ANK2: variants seen among roughly 807,000 people sequenced by gnomAD.
ANK2 encodes the protein ankyrin 2.
In ANK2, 83 loss-of-function variants were observed where a neutral mutation model predicts 360.5. That is an observed-to-expected ratio of 0.23 (90% confidence interval 0.19 to 0.28). ANK2 has a LOEUF of 0.28. ANK2 is among the 10% of genes least tolerant of loss of function. The probability of loss-of-function intolerance (pLI) is 1.00; values close to 1 mark genes in which losing one functional copy is unlikely to be tolerated. For synonymous variants in ANK2, 1,740 were observed against 1,759.5 expected, an observed-to-expected ratio of 0.99 and a Z score of 0.28; for missense variants, 4,201 against 4,795.7, an observed-to-expected ratio of 0.88 and a Z score of 3.66.
At chr4:113,283,004 C>A (rs929302799) in intron 18 of ANK2, 132 bp downstream of exon 18, 3 of 1,013,530 alleles carry the variant, frequency 3.0e-6, no homozygotes, top group Non-Finnish European at 4.5e-6. Context: ...ACCCCAAGGA[C>A]AGGAAGGGAG....
intron 24 of ANK2, 194 bp from the exon 25 acceptor site, chr4:113,317,513 T>C: frequency 3.1e-6 from 2 of 636,102 alleles, no homozygotes. Context: ...CATTGAGCGG[T>C]AGGAACCTGT....
intron 43 of ANK2, among the ~76,000 whole-genome samples, chr4:113,370,288 A>T (rs889952614): frequency 6.7e-6 from 1 of 149,366 alleles, no homozygotes; most frequent in Non-Finnish European, 1.5e-5. Context: ...TAGAGGCAAG[A>T]TGATTTCCAA....
rs2097187115 is a variant in ANK2 at position 113,382,400 on chromosome 4, T to G, written c.*929T>G. ...GGGTATTCAGTTGCTGGCAGCTACATTGTGTGGCATTCTAGCATCTTCAGG... is the reference window on the plus strand; with the variant it reads ...GGGTATTCAGTTGCTGGCAGCTACAGTGTGTGGCATTCTAGCATCTTCAGG... On this transcript the variant is annotated 3_prime_UTR_variant, in exon 46 of 46. Coordinates refer to ENST00000357077, the MANE Select transcript of ANK2 (RefSeq NM_001148.6). 1 of 152,764 alleles carries G rather than the reference T, an allele frequency of 6.5e-6. No individual in the cohort carries two copies. Among genetic ancestry groups the G allele is most frequent in the Admixed American group, 6.5e-5 (1 of 15,314 alleles). The allele number at this position is 152,764 out of a possible 1,614,324, so 9.5% of individuals were successfully genotyped here. A position where few individuals can be genotyped will look rare whatever the true frequency, so the allele number is the denominator to read the frequency against.
chr4:113,073,294 C>T (rs970202587), intron 1 of ANK2, among the ~76,000 whole-genome samples: 1 of 152,086 alleles, frequency 6.6e-6, no homozygotes, highest in African/African-American at 2.4e-5. Flanking sequence ...TTTTGCACAA[C>T]ACCTGGCACA....
chr4:113,264,065 C>T (rs2153655504), intron 13 of ANK2, among the ~76,000 whole-genome samples: 1 of 152,332 alleles, frequency 6.6e-6, no homozygotes. Context: ...ACACTGCTGA[C>T]AGTCACTTTA....
At chr4:112,975,810 G>A (rs1042584612) in intron 2 of ANK2, among the ~76,000 whole-genome samples, 3 of 152,078 alleles carry the variant, frequency 2.0e-5, no homozygotes, top group African/African-American at 4.8e-5. Flanking sequence ...TAAAATATCA[G>A]ATTATTAGAT....
At chr4:113,323,777 T>C (rs771074549) in intron 26 of ANK2, 5 of 1,612,006 alleles carry the variant, frequency 3.1e-6, no homozygotes, top group Middle Eastern at 1.7e-4. Flanking sequence ...CTCCATGTCT[T>C]GAACGTGACA....
chr4:112,792,116 A>C, the ANK2 span, among the ~76,000 whole-genome samples: 1 of 132,416 alleles, frequency 7.6e-6, no homozygotes, highest in African/African-American at 3.0e-5. Context: ...ATCTCGGCTC[A>C]CTGCAACCTC....
At chr4:112,891,706 G>T (rs2080082256) in intron 1 of ANK2, among the ~76,000 whole-genome samples, 1 of 152,094 alleles carries the variant, frequency 6.6e-6, no homozygotes, top group Non-Finnish European at 1.5e-5. Flanking sequence ...CCATTTAATT[G>T]TATTTTAAAT....
At chr4:113,145,818 A>G (rs2096807915) in intron 1 of ANK2, 7 of 1,284,236 alleles carry the variant, frequency 5.5e-6, no homozygotes, top group Non-Finnish European at 5.1e-6. Context: ...CCCTGGACAG[A>G]GTGCAGAGGG....
chr4:113,008,295 C>G (rs1464018954), intron 2 of ANK2, among the ~76,000 whole-genome samples: 1 of 152,078 alleles, frequency 6.6e-6, no homozygotes, highest in Non-Finnish European at 1.5e-5. Flanking sequence ...ATAAGACTTG[C>G]ATTTGTAGTT....
chr4:112,934,623 C>T (rs944708096), intron 2 of ANK2, among the ~76,000 whole-genome samples: 3 of 152,136 alleles, frequency 2.0e-5, no homozygotes, highest in African/African-American at 7.2e-5. Flanking sequence ...TTTTGTTAAA[C>T]ACATGGTTAC....
chr4:113,224,876 GTTTT>G (rs11325379), intron 4 of ANK2, among the ~76,000 whole-genome samples: 36 of 133,236 alleles, frequency 2.7e-4, no homozygotes, highest in African/African-American at 9.4e-4. Flanking sequence ...GATCTTTGAA[GTTTT>G]TTTTTTTTTT....
chr4:113,369,825 T>G lies in ANK2; in HGVS notation c.11610+20T>G. On this transcript the variant is annotated intron_variant, in intron 43 of 45. Transcript: ENST00000357077. ...GAAAAGGTAAGACATTCCTCTCCAC[T>G]TTCTCGCCCACCTGTAACAAAGCTA... is the stretch of plus-strand genomic sequence containing the variant. 1 of 1,613,914 alleles carries G rather than the reference T, an allele frequency of 6.2e-7. No homozygotes were observed. The highest frequency in any genetic ancestry group is 1.7e-4 in the Middle Eastern group (1 of 6,058).
At chr4:113,054,787 A>G (rs1029809614) in intron 1 of ANK2, among the ~76,000 whole-genome samples, 10 of 152,192 alleles carry the variant, frequency 6.6e-5, no homozygotes, top group Admixed American at 6.5e-4. Context: ...GGAAATTTTT[A>G]TTGGAAAGAA....
intron 1 of ANK2, among the ~76,000 whole-genome samples, chr4:112,864,259 C>T (rs1040549940): frequency 1.3e-5 from 2 of 152,320 alleles, no homozygotes; most frequent in African/African-American, 4.8e-5. Flanking sequence ...ATCACTATGA[C>T]ATTATGACAT....
chr4:113,008,646 A>G (rs549050858), intron 2 of ANK2, among the ~76,000 whole-genome samples: 121 of 152,220 alleles, frequency 7.9e-4, no homozygotes, highest in Non-Finnish European at 1.4e-3. Flanking sequence ...GAAAGGTAAT[A>G]TATAAATGTA....
At chr4:113,177,256 A>AT (rs1411149448) in intron 2 of ANK2, among the ~76,000 whole-genome samples, 2 of 151,452 alleles carry the variant, frequency 1.3e-5, no homozygotes, top group African/African-American at 4.8e-5. Flanking sequence ...AATTTTTTGT[A>AT]TTTTTAGTAG....
Position 113,330,502 on chromosome 4 carries a change from C to T in ANK2, c.3125+32C>T, listed in dbSNP as rs532712728. On this transcript the variant is annotated intron_variant, in intron 27 of 45. Coordinates refer to ENST00000357077, the MANE Select transcript of ANK2 (RefSeq NM_001148.6). ...GTTTCTGATAAACCTCCCACTTAGT[C>T]ATCGATGAGCTTGTGTCCTCTACAT... 3.1e-6 allele frequency: 5 copies of T among 1,602,076 alleles called. No homozygotes were observed. The East Asian group carries it at 8.9e-5, about 29-fold the overall frequency.
Sources: allele counts gnomAD v4.1 joint callset (sites outside exome capture counted in the v4.1 genomes callset), GRCh38; gene constraint gnomAD v4.1.1; transcripts MANE v1.5; gene names NCBI Gene and HGNC (gene_info 2026-07-23, HGNC 2026-07-21).